Variants in SP140 observed in about 807,000 individuals in gnomAD.
The protein encoded by SP140 is nuclear body protein SP140.
Under a neutral mutation model 125.0 loss-of-function variants are expected in SP140, and 81 were observed. That is an observed-to-expected ratio of 0.65 (90% CI 0.54 to 0.78). The LOEUF (loss-of-function observed/expected upper bound fraction) is 0.78. Among genes scored for constraint, SP140 ranks in the 30% least tolerant of loss-of-function variants. The probability of loss-of-function intolerance (pLI) is 0.00; values close to 1 mark genes in which losing one functional copy is unlikely to be tolerated. For synonymous variants in SP140, 312 were observed against 354.0 expected (o/e 0.88, Z 1.33); for missense variants, 858 against 1,037.0 (o/e 0.83, Z 2.37).
At chr2:230,215,838 A>C (rs2045101077) in intron 3 of SP140, among the ~76,000 whole-genome samples, 1 of 152,228 alleles carries the variant, frequency 6.6e-6, no homozygotes, top group South Asian at 2.1e-4. Flanking sequence ...AATTGAGAGT[A>C]GTGTTACGGA....
chr2:230,270,281 G>A (rs1211577552), intron 14 of SP140, among the ~76,000 whole-genome samples: 1 of 152,100 alleles, frequency 6.6e-6, no homozygotes, highest in Non-Finnish European at 1.5e-5. Flanking sequence ...AGATAATAGT[G>A]TCACTTTGCT....
chr2:230,294,727 A>G (rs2057508200), intron 21 of SP140, among the ~76,000 whole-genome samples: 1 of 152,360 alleles, frequency 6.6e-6, no homozygotes, highest in East Asian at 1.9e-4. Flanking sequence ...ACTATTTTCT[A>G]ACTTTAGTGA....
At chr2:230,294,638 A>G (rs2057497271) in intron 21 of SP140, among the ~76,000 whole-genome samples, 1 of 152,352 alleles carries the variant, frequency 6.6e-6, no homozygotes, top group African/African-American at 2.4e-5. Context: ...AAGCATGGTC[A>G]TGGGATACAT....
At chr2:230,217,052 C>T in intron 3 of SP140, 1 of 714,400 alleles carries the variant, frequency 1.4e-6, no homozygotes, top group Admixed American at 2.2e-5. Flanking sequence ...TTGAGACCAT[C>T]CTGGCCAACA....
intron 12 of SP140, among the ~76,000 whole-genome samples, chr2:230,258,634 G>A (rs1439292722): frequency 6.6e-6 from 1 of 152,200 alleles, no homozygotes; most frequent in African/African-American, 2.4e-5. Flanking sequence ...ACAAAATACA[G>A]TAATTGTTGA....
At position 230,237,326 on chromosome 2, in the gene SP140, C is replaced by G. The variant is rs2048141416; in HGVS notation, c.237+66C>G. ...CTCAATTATGCCAAACTTCAAGATG[C>G]AATGAGCAGGCTAAAGGGCCTCCTG... is the stretch of plus-strand genomic sequence containing the variant. On this transcript the variant is annotated intron_variant, in intron 2 of 26. Coordinates refer to ENST00000392045, the MANE Select transcript of SP140 (RefSeq NM_007237.5). The surrounding 1 kb of genome is among the most constrained non-coding windows in gnomAD (Gnocchi z 5.4). 4 of 1,475,364 alleles carry G rather than the reference C, an allele frequency of 2.7e-6. No individual in the cohort carries two copies. The highest frequency in any genetic ancestry group is 3.7e-6 in the Non-Finnish European group (4 of 1,070,122). 91.4% of individuals were successfully genotyped at this position (1,475,364 alleles called of 1,614,324 possible).
chr2:230,293,538 C>T (rs1187320031), intron 20 of SP140, among the ~76,000 whole-genome samples: 1 of 151,970 alleles, frequency 6.6e-6, no homozygotes, highest in Non-Finnish European at 1.5e-5. Flanking sequence ...GGTTTTGTCA[C>T]GTTGGCCAGG....
At chr2:230,187,257 T>C in the SP140 span, among the ~76,000 whole-genome samples, 1 of 152,218 alleles carries the variant, frequency 6.6e-6, no homozygotes, top group Non-Finnish European at 1.5e-5. Context: ...TGATTAGTGA[T>C]GTTGAGCATT....
At chr2:230,196,694 C>T in the SP140 span, among the ~76,000 whole-genome samples, 1 of 148,926 alleles carries the variant, frequency 6.7e-6, no homozygotes, top group African/African-American at 2.5e-5. Flanking sequence ...CCTCCCTCCT[C>T]CCCGCACCCC....
chr2:230,196,811 C>T, the SP140 span, among the ~76,000 whole-genome samples: 10 of 152,028 alleles, frequency 6.6e-5, no homozygotes, highest in East Asian at 1.4e-3. Context: ...TTTGTCCTTG[C>T]AATAGTTTGC....
rs567427471 is a variant in SP140, at chr2:230,285,950, A to C, written c.1645+118A>C. The C allele has an allele frequency of 4.5e-3, 3,398 of 746,912 alleles. 17 individuals are homozygous for C. The highest frequency in any genetic ancestry group is 6.1e-3 in the Non-Finnish European group (2,656 of 438,074). 46.3% of individuals were successfully genotyped at this position (746,912 alleles called of 1,614,324 possible). A position where few individuals can be genotyped will look rare whatever the true frequency, so the allele number is the denominator to read the frequency against. On this transcript the variant is annotated intron_variant, in intron 17 of 26. Coordinates refer to ENST00000392045, the MANE Select transcript of SP140 (RefSeq NM_007237.5). ...ACTCATCAAGCTTAGTCAATTGGAGAGCAGTGAAATCTAAAAGAGCAAACT... is the reference window on the plus strand; with the variant it reads ...ACTCATCAAGCTTAGTCAATTGGAGCGCAGTGAAATCTAAAAGAGCAAACT...
chr2:230,273,542 T>A (rs769202503), intron 15 of SP140, among the ~76,000 whole-genome samples: 4 of 152,194 alleles, frequency 2.6e-5, no homozygotes, highest in African/African-American at 4.8e-5. Context: ...GTGTGGCAAT[T>A]CCTCAAAGAC....
chr2:230,254,398 G>A (rs539429494), intron 11 of SP140, among the ~76,000 whole-genome samples: 1 of 152,106 alleles, frequency 6.6e-6, no homozygotes, highest in Non-Finnish European at 1.5e-5. Flanking sequence ...TTCTCTCCCC[G>A]CAGCCTCATC....
intron 15 of SP140, among the ~76,000 whole-genome samples, chr2:230,282,140 A>T (rs1372234491): frequency 6.6e-6 from 1 of 152,184 alleles, no homozygotes; most frequent in Non-Finnish European, 1.5e-5. Flanking sequence ...GAATTTAAGC[A>T]ATTCTCCTCT....
chr2:230,307,984 TATATATACAC>T (rs1280931147), intron 22 of SP140, among the ~76,000 whole-genome samples: 1,352 of 88,944 alleles, frequency 0.015, 18 homozygotes, highest in Middle Eastern at 0.027. Context: ...TATATATATA[TATATATACAC>T]ACACACACAC....
rs189298436 is a variant in SP140 at position 230,270,578 on chromosome 2, T to C, written c.1445-8T>C. 1.8e-3 allele frequency: 2,959 copies of C among 1,605,468 alleles called. 13 individuals are homozygous for C. Among genetic ancestry groups the C allele is most frequent in the Middle Eastern group, 3.1e-3 (14 of 4,492 alleles). The stretch of plus-strand genomic sequence containing the variant: ...TCTGTTTCCTCACCACCACTTGTTA[T>C]TTTCCAGATACTGTGGATATTGCAA... On this transcript the variant is annotated splice_polypyrimidine_tract_variant and splice_region_variant and intron_variant, in intron 14 of 26. Coordinates refer to ENST00000392045, the MANE Select transcript of SP140 (RefSeq NM_007237.5).
intron 1 of SP140, among the ~76,000 whole-genome samples, chr2:230,209,071 T>A (rs2044187993): frequency 2.0e-5 from 3 of 152,196 alleles, no homozygotes; most frequent in African/African-American, 7.2e-5. Context: ...TTTTGATTCT[T>A]TTTCTTTTGT....
At chr2:230,192,402 A>G in the SP140 span, among the ~76,000 whole-genome samples, 1 of 152,218 alleles carries the variant, frequency 6.6e-6, no homozygotes, top group Admixed American at 6.5e-5. Flanking sequence ...TCTCAGCCCA[A>G]AAACTTCTCG....
chr2:230,220,325 T>C (rs1241321376), intron 3 of SP140, among the ~76,000 whole-genome samples: 1 of 152,212 alleles, frequency 6.6e-6, no homozygotes, highest in Admixed American at 6.5e-5. Context: ...TTGATGAAAA[T>C]GTTCTCAAAC....
Sources: gnomAD v4.1 joint callset for allele counts (sites outside exome capture counted in the v4.1 genomes callset) on GRCh38, gnomAD v4.1.1 for gene constraint, Gnocchi (gnomAD v3.1) non-coding constraint, MANE v1.5 for transcripts, NCBI Gene and HGNC (gene_info 2026-07-23, HGNC 2026-07-21) for gene names.